CNNM2: variants seen among roughly 807,000 people sequenced by gnomAD.
The protein encoded by CNNM2 is cyclin and CBS domain divalent metal cation transport mediator 2, also known as metal transporter CNNM2.
A neutral mutation model predicts 66.9 loss-of-function variants in CNNM2; 12 were observed. The observed-to-expected ratio is 0.18, with a 90% CI of 0.11 to 0.29. The LOEUF is 0.29. CNNM2 is among the 10% of genes least tolerant of loss of function. The pLI, the probability that CNNM2 is intolerant of heterozygous loss-of-function variation, is 1.00. For synonymous variants in CNNM2, 557 were observed against 501.8 expected (o/e 1.11, Z -1.47); for missense variants, 705 against 1,167.7 (o/e 0.60, Z 5.77).
intron 1 of CNNM2, among the ~76,000 whole-genome samples, chr10:102,944,294 G>A (rs1846533008): frequency 1.3e-5 from 2 of 152,074 alleles, no homozygotes; most frequent in South Asian, 4.2e-4. Flanking sequence ...GGCCAGGCTG[G>A]CCTCGAACTC....
intron 1 of CNNM2, among the ~76,000 whole-genome samples, chr10:103,031,913 C>T (rs1231532294): frequency 2.0e-5 from 3 of 152,110 alleles, no homozygotes; most frequent in Admixed American, 2.0e-4. Flanking sequence ...GAATAAGTTT[C>T]AAGAGAAATC....
In CNNM2 at chr10:103,089,212, T is replaced by TAATACATTTCTCCACTG; in HGVS notation, c.*12034_*12050dup. ...CAGAGACTACATTTGATCATGGAAA[T>TAATACATTTCTCCACTG]AATACATTTCTCCACTGATATACAA... On this transcript the variant is annotated 3_prime_UTR_variant, in exon 8 of 8. Coordinates refer to ENST00000369878, the MANE Select transcript of CNNM2 (RefSeq NM_017649.5). 4.5e-6 allele frequency: 1 copy of TAATACATTTCTCCACTG among 221,796 alleles called. No individual in the cohort carries two copies. 13.7% of individuals were successfully genotyped at this position (221,796 alleles called of 1,614,324 possible). A position where few individuals can be genotyped will look rare whatever the true frequency, so the allele number is the denominator to read the frequency against.
intron 4 of CNNM2, among the ~76,000 whole-genome samples, chr10:103,066,674 TTATA>T (rs1280676301): frequency 6.6e-6 from 1 of 152,260 alleles, no homozygotes; most frequent in East Asian, 1.9e-4. Context: ...CGATTTGTCT[TTATA>T]TAAGAACAAG....
chr10:103,037,123 C>A (rs1288920553), intron 1 of CNNM2, among the ~76,000 whole-genome samples: 1 of 151,686 alleles, frequency 6.6e-6, no homozygotes, highest in East Asian at 1.9e-4. Flanking sequence ...ATAAAATGTT[C>A]CATTTTGTAA....
At chr10:102,941,467 G>A (rs1846431821) in intron 1 of CNNM2, among the ~76,000 whole-genome samples, 1 of 152,128 alleles carries the variant, frequency 6.6e-6, no homozygotes, top group African/African-American at 2.4e-5. Flanking sequence ...ATATACAACT[G>A]GCAAGGTCCC....
chr10:102,953,325 C>G (rs1023578970), intron 1 of CNNM2, among the ~76,000 whole-genome samples: 1 of 152,036 alleles, frequency 6.6e-6, no homozygotes, highest in Non-Finnish European at 1.5e-5. Flanking sequence ...GATGCGACCT[C>G]GGCTTGCTGC....
chr10:103,065,135 C>T (rs1294606430), intron 4 of CNNM2, among the ~76,000 whole-genome samples: 1 of 152,190 alleles, frequency 6.6e-6, no homozygotes, highest in African/African-American at 2.4e-5. Context: ...AGTCTTGCAG[C>T]CGCCCTTGCT....
rs557553340 is a variant in CNNM2 at position 103,078,837 on chromosome 10, G to C, written c.*1657G>C. On this transcript the variant is annotated 3_prime_UTR_variant, in exon 8 of 8. Coordinates refer to ENST00000369878, the MANE Select transcript of CNNM2 (RefSeq NM_017649.5). ...GTTCAGCCACGGCTGGGCTGTGTGC[G>C]GGGCAGGGAGCGTGGCTGAGGAGCA... is the stretch of plus-strand genomic sequence containing the variant. The C allele has an allele frequency of 2.6e-5, 4 of 152,434 alleles. No homozygotes were observed. The highest frequency in any genetic ancestry group is 2.0e-4 in the Admixed American group (3 of 15,282). 9.4% of individuals were successfully genotyped at this position (152,434 alleles called of 1,614,324 possible).
Position 103,089,828 on chromosome 10 carries a change from T to C in CNNM2, c.*12648T>C, listed in dbSNP as rs773489032. The C allele has an allele frequency of 5.0e-6, 8 of 1,614,126 alleles. No individual in the cohort carries two copies. The highest frequency in any genetic ancestry group is 3.3e-5 in the Admixed American group (2 of 60,024). ...AGTCAGTGTCTTTGAAATCCACTGA[T>C]GTGCGGTTCCGGGTGGCAAGAGGAG... On this transcript the variant is annotated 3_prime_UTR_variant, in exon 8 of 8. Transcript: ENST00000369878.
In CNNM2 at chr10:102,930,590, G is replaced by A. The variant is rs576499447; in HGVS notation, c.1621+10489G>A. On this transcript the variant is annotated intron_variant, in intron 1 of 7. Coordinates refer to ENST00000369878, the MANE Select transcript of CNNM2 (RefSeq NM_017649.5). Reference sequence around the variant, plus strand: ...ATATCTTAAAACTCACCCTTTTAAAGTATGTGATTTGATGCTTTTTGGTAT... The same window carrying A: ...ATATCTTAAAACTCACCCTTTTAAAATATGTGATTTGATGCTTTTTGGTAT... Among the ~76,000 whole-genome samples the A allele has an allele frequency of 1.7e-3, 265 of 152,220 alleles. 1 individual carries two copies. Among genetic ancestry groups the A allele is most frequent in the Middle Eastern group, 0.014 (4 of 294 alleles).
chr10:103,037,460 C>T (rs1204116662), intron 1 of CNNM2, among the ~76,000 whole-genome samples: 3 of 151,386 alleles, frequency 2.0e-5, no homozygotes, highest in Admixed American at 6.6e-5. Flanking sequence ...AGAAAGCATA[C>T]GATGGGAAAA....
At chr10:103,057,408 G>T (rs1045219843) in intron 4 of CNNM2, among the ~76,000 whole-genome samples, 8 of 151,952 alleles carry the variant, frequency 5.3e-5, no homozygotes, top group Non-Finnish European at 7.4e-5. Context: ...GAGCCCAGGA[G>T]GTTGCCATGT....
At chr10:103,001,965 C>CG (rs2064131706) in intron 1 of CNNM2, among the ~76,000 whole-genome samples, 4 of 152,224 alleles carry the variant, frequency 2.6e-5, no homozygotes, top group African/African-American at 9.6e-5. Context: ...CACTGCGCCC[C>CG]AGCCTGGGTG....
chr10:102,938,658 C>T (rs369405718), intron 1 of CNNM2, among the ~76,000 whole-genome samples: 98 of 149,022 alleles, frequency 6.6e-4, no homozygotes, highest in African/African-American at 2.1e-3. Context: ...AACGCCTCTA[C>T]TCCTTTAGCC....
chr10:102,977,846 A>G (rs997029514), intron 1 of CNNM2, among the ~76,000 whole-genome samples: 1 of 152,116 alleles, frequency 6.6e-6, no homozygotes, highest in Non-Finnish European at 1.5e-5. Flanking sequence ...AGGAATGATG[A>G]ATGATGCTGT....
At chr10:103,042,963 AATT>A (rs1365602605) in intron 1 of CNNM2, among the ~76,000 whole-genome samples, 4 of 152,148 alleles carry the variant, frequency 2.6e-5, no homozygotes, top group Non-Finnish European at 4.4e-5. Context: ...CTATTTATTG[AATT>A]ATTATAATTT....
intron 1 of CNNM2, among the ~76,000 whole-genome samples, chr10:102,944,171 TG>T (rs963779998): frequency 6.7e-6 from 1 of 150,246 alleles, no homozygotes. Context: ...CTCCGCCTCC[TG>T]GGTTCAAGCA....
intron 6 of CNNM2, 35 bp from the exon 7 acceptor site, chr10:103,076,051 C>T (rs1363704957): frequency 6.3e-7 from 1 of 1,576,114 alleles, no homozygotes; most frequent in Non-Finnish European, 8.7e-7. Flanking sequence ...GTATCTACTT[C>T]ACTTAAACAG....
chr10:103,008,217 A>G (rs976642863), intron 1 of CNNM2, among the ~76,000 whole-genome samples: 4 of 151,874 alleles, frequency 2.6e-5, no homozygotes, highest in African/African-American at 9.7e-5. Flanking sequence ...TCAAATTACT[A>G]TTGGGCAGGG....
Sources: gnomAD v4.1 joint callset for allele counts (sites outside exome capture counted in the v4.1 genomes callset) on GRCh38, gnomAD v4.1.1 for gene constraint, MANE v1.5 for transcripts, NCBI Gene and HGNC (gene_info 2026-07-23, HGNC 2026-07-21) for gene names.